TGFBR2: variants seen among roughly 807,000 people sequenced by gnomAD.
The protein encoded by TGFBR2 is TGF-beta receptor type-2.
TGFBR2 carries 18 observed loss-of-function variants against 49.0 expected under a neutral mutation model. That is an observed-to-expected ratio of 0.37 (90% CI 0.25 to 0.54). The LOEUF (loss-of-function observed/expected upper bound fraction) is 0.54. Ranked by LOEUF, TGFBR2 falls within the 20% of genes least tolerant of loss-of-function variation. The pLI is 0.85. For synonymous variants in TGFBR2, 282 were observed against 275.9 expected, an observed-to-expected ratio of 1.02 and a Z score of -0.22; for missense variants, 525 against 722.6, an observed-to-expected ratio of 0.73 and a Z score of 3.13.
In TGFBR2 at chr3:30,637,110, T is replaced by C. The variant is rs912703811; in HGVS notation, c.95-7637T>C. On this transcript the variant is annotated intron_variant, in intron 1 of 6. Coordinates refer to ENST00000295754, the MANE Select transcript of TGFBR2 (RefSeq NM_003242.6). ...AAAAGCAATAACAACAAAACAGAAA[T>C]GGTGGTGTGTCAACCAGGGTTCCAG... Among the ~76,000 whole-genome samples the C allele has an allele frequency of 2.8e-5, 4 of 143,686 alleles. No individual in the cohort carries two copies. In the South Asian group the frequency reaches 8.8e-4, roughly 32 times the overall value. 94.3% of individuals were successfully genotyped at this position (143,686 alleles called of 152,430 possible).
chr3:30,617,140 T>C (rs1476989160), intron 1 of TGFBR2, among the ~76,000 whole-genome samples: 1 of 152,070 alleles, frequency 6.6e-6, no homozygotes, highest in Non-Finnish European at 1.5e-5. Flanking sequence ...CTTTCAAATA[T>C]TTCTCTACCA....
At chr3:30,681,233 A>G (rs934427085) in intron 5 of TGFBR2, among the ~76,000 whole-genome samples, 1 of 151,788 alleles carries the variant, frequency 6.6e-6, no homozygotes, top group African/African-American at 2.4e-5. Context: ...AAAGAGACAG[A>G]AAAAAAGGAG....
rs1366889916 is a variant in TGFBR2 at position 30,679,410 on chromosome 3, C to T, written c.1396+5164C>T. 3.3e-5 allele frequency among the ~76,000 whole-genome samples: 5 copies of T among 152,178 alleles called. No individual in the cohort carries two copies. In the East Asian group the frequency reaches 7.7e-4, roughly 23 times the overall value. ...ACAGCACTACACTGGAGAAGCCTCA[C>T]TTTTATCAGGTGAGAAAACATAAAC... On this transcript the variant is annotated intron_variant, in intron 5 of 6. Transcript: ENST00000295754.
At chr3:30,659,720 C>G (rs1278791913) in intron 3 of TGFBR2, among the ~76,000 whole-genome samples, 2 of 151,344 alleles carry the variant, frequency 1.3e-5, no homozygotes, top group Non-Finnish European at 2.9e-5. Flanking sequence ...AGCAGTCGGA[C>G]CCATACTGCT....
At chr3:30,680,701 AAG>A in intron 5 of TGFBR2, among the ~76,000 whole-genome samples, 1 of 152,332 alleles carries the variant, frequency 6.6e-6, no homozygotes, top group Admixed American at 6.5e-5. Flanking sequence ...AGAAAAAAAA[AAG>A]AAAACAAATC....
chr3:30,608,610 GTGTT>G (rs984166559), intron 1 of TGFBR2, among the ~76,000 whole-genome samples: 2 of 152,170 alleles, frequency 1.3e-5, no homozygotes, highest in Non-Finnish European at 2.9e-5. Flanking sequence ...AAATTTTAGA[GTGTT>G]TGAAGTGGAT....
intron 5 of TGFBR2, among the ~76,000 whole-genome samples, chr3:30,674,778 T>G (rs145936424): frequency 5.3e-5 from 8 of 152,332 alleles, no homozygotes; most frequent in African/African-American, 1.9e-4. Flanking sequence ...GAAGGCCGTC[T>G]TCTTACTGCT....
At chr3:30,650,584 A>C in intron 3 of TGFBR2, 124 bp downstream of exon 3, 1 of 1,062,296 alleles carries the variant, frequency 9.4e-7, no homozygotes, top group Non-Finnish European at 1.4e-6. Flanking sequence ...TTAGGAGCTC[A>C]TTCAGCTGGT....
Position 30,651,757 on chromosome 3 carries a change from A to T in TGFBR2, c.454+1297A>T, listed in dbSNP as rs375208509. Among the ~76,000 whole-genome samples, 5 of 152,240 alleles carry T rather than the reference A, an allele frequency of 3.3e-5. No individual in the cohort carries two copies. The East Asian group carries it at 5.8e-4, about 18-fold the overall frequency. The stretch of plus-strand genomic sequence containing the variant: ...AGAAATATGTGTATTTTAAATTTGA[A>T]TAAGCACTACTAAACTATTCTCCTC... On this transcript the variant is annotated intron_variant, in intron 3 of 6. Coordinates refer to ENST00000295754, the MANE Select transcript of TGFBR2 (RefSeq NM_003242.6).
intron 2 of TGFBR2, among the ~76,000 whole-genome samples, chr3:30,647,796 C>A (rs1001670944): frequency 6.6e-6 from 1 of 152,120 alleles, no homozygotes; most frequent in African/African-American, 2.4e-5. Flanking sequence ...CCTGCTTCAG[C>A]TTCCTGAGTA....
intron 1 of TGFBR2, among the ~76,000 whole-genome samples, chr3:30,616,911 T>G (rs1698143686): frequency 6.6e-6 from 1 of 152,212 alleles, no homozygotes; most frequent in Non-Finnish European, 1.5e-5. Flanking sequence ...AAAGGCTTAC[T>G]TGGTTTTGGT....
At chr3:30,670,861 A>G (rs1340215375) in intron 3 of TGFBR2, among the ~76,000 whole-genome samples, 7 of 152,250 alleles carry the variant, frequency 4.6e-5, no homozygotes, top group African/African-American at 4.8e-5. Flanking sequence ...TCGTATGCAC[A>G]CTGAAAAGAG....
At position 30,688,458 on chromosome 3, in the gene TGFBR2, G is replaced by C. The variant is rs754176932; in HGVS notation, c.1471G>C (p.Val491Leu). 1.2e-6 allele frequency: 2 copies of C among 1,614,246 alleles called. No individual in the cohort carries two copies. The highest frequency in any genetic ancestry group is 2.2e-5 in the South Asian group (2 of 91,090). Residue 491 changes from valine to leucine, a missense_variant, in exon 6 of 7, where the codon GTG becomes CTG. By Grantham distance (32) the Val-to-Leu change is conservative (BLOSUM62 1). Coordinates refer to ENST00000295754, the MANE Select transcript of TGFBR2 (RefSeq NM_003242.6). ...HPCVESMKDN[V>L]LRDRGRPEIP... is the part of the protein sequence containing the mutation. ...CTGTGTCGAAAGCATGAAGGACAAC[G>C]TGTTGAGAGATCGAGGGCGACCAGA... is the stretch of plus-strand genomic sequence containing the variant.
chr3:30,628,602 G>A lies in TGFBR2; in HGVS notation c.95-16145G>A, dbSNP rs567929740. ...TTTAGGCTTGTGTGGGCTTTGACTG[G>A]AAACTTAATCTGTGTGCCTGGGCTC... On this transcript the variant is annotated intron_variant, in intron 1 of 6. Transcript: ENST00000295754. 2.2e-3 allele frequency among the ~76,000 whole-genome samples: 301 copies of A among 136,900 alleles called. 1 individual carries two copies. Among genetic ancestry groups the A allele is most frequent in the Middle Eastern group, 4.7e-3 (1 of 214 alleles). The allele number at this position is 136,900 out of a possible 152,430, so 89.8% of individuals were successfully genotyped here. A position where few individuals can be genotyped will look rare whatever the true frequency, so the allele number is the denominator to read the frequency against.
At chr3:30,626,927 A>T (rs957072443) in intron 1 of TGFBR2, 1 of 152,198 alleles carries the variant, frequency 6.6e-6, no homozygotes, top group Non-Finnish European at 1.5e-5. Flanking sequence ...GCAGAAAGGT[A>T]ATCAGATTAT....
At position 30,674,147 on chromosome 3, in the gene TGFBR2, A is replaced by G. The variant is rs1699392628; in HGVS notation, c.1297A>G (p.Arg433Gly). 6.2e-7 allele frequency: 1 copy of G among 1,614,180 alleles called. No individual in the cohort carries two copies. The highest frequency in any genetic ancestry group is 8.5e-7 in the Non-Finnish European group (1 of 1,180,020). The change falls in exon 5 of 7, where the codon AGG becomes GGG. Residue 433 changes from arginine (R) to glycine (G), a missense_variant. Arg to Gly is a moderately radical substitution (Grantham distance 125). Transcript: ENST00000295754. ...CATGGCTCCAGAAGTCCTAGAATCC[A>G]GGATGAATTTGGAGAATGTTGAGTC... ...RYMAPEVLES[R>G]MNLENVESFK...
At chr3:30,656,825 AC>A (rs1305556721) in intron 3 of TGFBR2, among the ~76,000 whole-genome samples, 61 of 152,238 alleles carry the variant, frequency 4.0e-4, no homozygotes, top group Admixed American at 3.9e-3. Context: ...CCAGGGTCCC[AC>A]CCCTTTTCCA....
At chr3:30,677,907 C>G (rs191496593) in intron 5 of TGFBR2, among the ~76,000 whole-genome samples, 1 of 152,284 alleles carries the variant, frequency 6.6e-6, no homozygotes, top group African/African-American at 2.4e-5. Flanking sequence ...AATGAATCCC[C>G]CTGTTTGATG....
chr3:30,688,138 C>T (rs1699655413), intron 5 of TGFBR2, among the ~76,000 whole-genome samples: 1 of 152,168 alleles, frequency 6.6e-6, no homozygotes, highest in Non-Finnish European at 1.5e-5. Context: ...CACTGTGTCC[C>T]CCAGCGTAAC....
Sources: allele counts gnomAD v4.1 joint callset (sites outside exome capture counted in the v4.1 genomes callset), GRCh38; gene constraint gnomAD v4.1.1; transcripts MANE v1.5; gene names NCBI Gene and HGNC (gene_info 2026-07-23, HGNC 2026-07-21).